The following PABPC4L variants were observed in gnomAD, a reference collection of about 807,000 sequenced individuals.
PABPC4L encodes the protein poly(A) binding protein cytoplasmic 4 like.
For synonymous variants in PABPC4L, 169 were observed against 164.1 expected (o/e 1.03, Z -0.23); for missense variants, 452 against 451.4 (o/e 1.00, Z -0.01).
At chr4:134,136,969 G>A in the PABPC4L span, among the ~76,000 whole-genome samples, 10 of 151,914 alleles carry the variant, frequency 6.6e-5, no homozygotes, top group South Asian at 8.3e-4. Context: ...TCTTAGTTGT[G>A]TTGATAACGC....
At chr4:134,142,413 T>A in the PABPC4L span, among the ~76,000 whole-genome samples, 1 of 151,604 alleles carries the variant, frequency 6.6e-6, no homozygotes, top group South Asian at 2.1e-4. Context: ...GGGAACTCTG[T>A]GAAGAATATG....
chr4:133,975,991 T>A, the PABPC4L span, among the ~76,000 whole-genome samples: 1 of 152,190 alleles, frequency 6.6e-6, no homozygotes, highest in African/African-American at 2.4e-5. Context: ...CCGGGGTACA[T>A]GTCAGGATGT....
the PABPC4L span, among the ~76,000 whole-genome samples, chr4:134,065,866 G>A: frequency 6.6e-6 from 1 of 151,978 alleles, no homozygotes; most frequent in Non-Finnish European, 1.5e-5. Flanking sequence ...ACCAATTATT[G>A]AACAGGGAGT....
At chr4:134,192,739 ACG>A (rs1729546886), downstream of PABPC4L, among the ~76,000 whole-genome samples, 1 of 152,152 alleles carries the variant, frequency 6.6e-6, no homozygotes, top group African/African-American at 2.4e-5. Context: ...TCACTAAAAT[ACG>A]CTGAGTAAAA....
the PABPC4L span, among the ~76,000 whole-genome samples, chr4:134,005,145 T>C: frequency 6.6e-6 from 1 of 151,934 alleles, no homozygotes; most frequent in Admixed American, 6.6e-5. Flanking sequence ...GTGATGGATA[T>C]GTTAATTAGC....
chr4:133,954,994 A>G, the PABPC4L span, among the ~76,000 whole-genome samples: 1 of 152,174 alleles, frequency 6.6e-6, no homozygotes, highest in African/African-American at 2.4e-5. Context: ...CCTATGCCCA[A>G]CAATGCACAC....
chr4:133,967,982 A>G, the PABPC4L span, among the ~76,000 whole-genome samples: 2 of 152,234 alleles, frequency 1.3e-5, no homozygotes, highest in East Asian at 1.9e-4. Flanking sequence ...AAGTGAGACA[A>G]TAGACAGAAA....
the PABPC4L span, among the ~76,000 whole-genome samples, chr4:134,190,259 C>G: frequency 6.6e-6 from 1 of 152,110 alleles, no homozygotes; most frequent in African/African-American, 2.4e-5. Flanking sequence ...CTGACACATA[C>G]TTCTCTGACA....
At chr4:134,159,851 T>C in the PABPC4L span, among the ~76,000 whole-genome samples, 1 of 152,142 alleles carries the variant, frequency 6.6e-6, no homozygotes, top group African/African-American at 2.4e-5. Flanking sequence ...AATTGCAGGA[T>C]GAGCAGCTCA....
the PABPC4L span, among the ~76,000 whole-genome samples, chr4:133,974,703 G>A: frequency 2.6e-5 from 4 of 151,974 alleles, no homozygotes; most frequent in African/African-American, 4.8e-5. Flanking sequence ...ATTAAAAAGG[G>A]TCAAGTAATT....
chr4:133,961,665 A>C, the PABPC4L span, among the ~76,000 whole-genome samples: 1 of 151,264 alleles, frequency 6.6e-6, no homozygotes, highest in Non-Finnish European at 1.5e-5. Context: ...GCAACTGCAC[A>C]CTCTTCTGGT....
the PABPC4L span, among the ~76,000 whole-genome samples, chr4:134,040,711 C>T: frequency 6.6e-6 from 1 of 152,040 alleles, no homozygotes; most frequent in Non-Finnish European, 1.5e-5. Flanking sequence ...GCAACAAAAG[C>T]CAAAATTGAC....
At position 134,197,851 on chromosome 4, in the gene PABPC4L, T is replaced by C. The variant is rs2125708062; in HGVS notation, c.*2056A>G. 1 of 151,882 alleles carries C rather than the reference T, an allele frequency of 6.6e-6. No individual in the cohort carries two copies. Among genetic ancestry groups the C allele is most frequent in the African/African-American group, 2.4e-5 (1 of 41,544 alleles). The allele number at this position is 151,882 out of a possible 1,614,324, so 9.4% of individuals were successfully genotyped here. Reference sequence around the variant, plus strand: ...CATTCTCCTACAATGACAATGGAAATGTAAGTGCCACAAGTATTCTGGACA... The same window carrying C: ...CATTCTCCTACAATGACAATGGAAACGTAAGTGCCACAAGTATTCTGGACA... On this transcript the variant is annotated 3_prime_UTR_variant, in exon 2 of 2. Coordinates refer to ENST00000421491, the MANE Select transcript of PABPC4L (RefSeq NM_001114734.2).
At chr4:133,984,054 T>C in the PABPC4L span, among the ~76,000 whole-genome samples, 1 of 151,814 alleles carries the variant, frequency 6.6e-6, no homozygotes, top group African/African-American at 2.4e-5. Context: ...AAATTTTAGG[T>C]GAAGAAGTTA....
chr4:134,052,682 AT>A, the PABPC4L span, among the ~76,000 whole-genome samples: 2 of 151,990 alleles, frequency 1.3e-5, no homozygotes, highest in Non-Finnish European at 2.9e-5. Context: ...AGTCCATATA[AT>A]TGTCATCTCC....
At chr4:134,068,675 T>C in the PABPC4L span, among the ~76,000 whole-genome samples, 3 of 151,994 alleles carry the variant, frequency 2.0e-5, no homozygotes, top group African/African-American at 4.8e-5. Context: ...TCCATATTTC[T>C]ATATTTAGCA....
chr4:134,013,984 G>A, the PABPC4L span, among the ~76,000 whole-genome samples: 2 of 152,000 alleles, frequency 1.3e-5, no homozygotes, highest in African/African-American at 4.8e-5. Context: ...TAAAAAGGTG[G>A]CTGGAGCTAA....
downstream of PABPC4L, among the ~76,000 whole-genome samples, chr4:134,194,341 C>G (rs187143390): frequency 6.6e-6 from 1 of 151,664 alleles, no homozygotes; most frequent in East Asian, 1.9e-4. Flanking sequence ...ATTGCAGATG[C>G]CGGGGTGGGA....
At chr4:134,026,730 G>A in the PABPC4L span, among the ~76,000 whole-genome samples, 1 of 152,096 alleles carries the variant, frequency 6.6e-6, no homozygotes, top group South Asian at 2.1e-4. Context: ...GAGGTCATTA[G>A]CGTGAGCTCC....
Sources: gnomAD v4.1 joint callset for allele counts (sites outside exome capture counted in the v4.1 genomes callset) on GRCh38, gnomAD v4.1.1 for gene constraint, MANE v1.5 for transcripts, NCBI Gene and HGNC (gene_info 2026-07-23, HGNC 2026-07-21) for gene names.